PDZD2: variants seen among roughly 807,000 people sequenced by gnomAD.
PDZD2 encodes the protein PDZ domain containing 2.
A neutral mutation model predicts 220.7 loss-of-function variants in PDZD2; 90 were observed. That is an observed-to-expected ratio of 0.41 (90% CI 0.34 to 0.49). The LOEUF (loss-of-function observed/expected upper bound fraction) is 0.49, where lower values mean the gene tolerates loss of function less well. PDZD2 is among the 20% of genes least tolerant of loss of function. PDZD2 has a pLI of 0.28. For synonymous variants in PDZD2, 1,375 were observed against 1,450.5 expected (o/e 0.95, Z 1.18); for missense variants, 3,174 against 3,608.5 (o/e 0.88, Z 3.08).
chr5:31,786,593 T>C (rs1753392410), intron 1 of PDZD2, among the ~76,000 whole-genome samples: 1 of 152,132 alleles, frequency 6.6e-6, no homozygotes, highest in Non-Finnish European at 1.5e-5. Context: ...AGTTCAAAAC[T>C]TCCATGGTTG....
intron 17 of PDZD2, among the ~76,000 whole-genome samples, chr5:32,073,522 T>G (rs1740955065): frequency 6.6e-6 from 1 of 151,382 alleles, no homozygotes; most frequent in African/African-American, 2.4e-5. Context: ...ATGTGTTAGA[T>G]AATCATGGAG....
intron 2 of PDZD2, among the ~76,000 whole-genome samples, chr5:31,935,417 A>G (rs937477165): frequency 2.0e-5 from 3 of 152,152 alleles, no homozygotes; most frequent in African/African-American, 2.4e-5. Context: ...AAAACCTTAG[A>G]AAAATCATAT....
At chr5:31,934,811 C>G (rs1048173883) in intron 2 of PDZD2, among the ~76,000 whole-genome samples, 1 of 151,944 alleles carries the variant, frequency 6.6e-6, no homozygotes, top group Non-Finnish European at 1.5e-5. Context: ...ATCTGGCCAG[C>G]AGTGGTGGCT....
Position 31,672,171 on chromosome 5 carries a change from A to G in PDZD2, c.-361+32734A>G, listed in dbSNP as rs115042830. On this transcript the variant is annotated intron_variant, in intron 1 of 24. Coordinates refer to ENST00000438447, the MANE Select transcript of PDZD2 (RefSeq NM_178140.4). ...ACTCCACCTCGAGAACGACTGTCCT[A>G]GATGTTCTGGAATACTGCTTCTCAG... is the stretch of plus-strand genomic sequence containing the variant. 4.2e-3 allele frequency among the ~76,000 whole-genome samples: 633 copies of G among 152,272 alleles called. 4 individuals carry two copies. The highest frequency in any genetic ancestry group is 0.014 in the African/African-American group (599 of 41,556).
In PDZD2 at chr5:31,733,236, A is replaced by G. The variant is rs893472978; in HGVS notation, c.-360-65653A>G. On this transcript the variant is annotated intron_variant, in intron 1 of 24. Transcript: ENST00000438447. Reference sequence around the variant, plus strand: ...CAGGGGCTGCCCTGGGGTGCTGGTGATGTTCCAATTCTTGATGGGAACAAC... The same window carrying G: ...CAGGGGCTGCCCTGGGGTGCTGGTGGTGTTCCAATTCTTGATGGGAACAAC... Among the ~76,000 whole-genome samples the G allele has an allele frequency of 1.5e-4, 23 of 152,154 alleles. 1 individual carries two copies. The highest frequency in any genetic ancestry group is 1.2e-3 in the Admixed American group (19 of 15,286).
Position 32,087,723 on chromosome 5 carries a change from G to A in PDZD2, c.4275G>A (p.Thr1425=), listed in dbSNP as rs145909412. 1,178 of 1,614,018 alleles carry A rather than the reference G, an allele frequency of 7.3e-4. 3 individuals carry two copies. Among genetic ancestry groups the A allele is most frequent in the Admixed American group, 8.2e-4 (49 of 60,014 alleles). ...CPGGSRESPV[T]DIDSFIKELD... is the part of the protein sequence containing the mutation. ...GGGGGAGTAGAGAGAGCCCTGTGACGGACATTGACAGCTTCATCAAGGAGC... is the reference window on the plus strand; with the variant it reads ...GGGGGAGTAGAGAGAGCCCTGTGACAGACATTGACAGCTTCATCAAGGAGC... The change falls in exon 20 of 25, where the codon ACG becomes ACA. Residue 1425 remains threonine (T), a synonymous_variant. Coordinates refer to ENST00000438447, the MANE Select transcript of PDZD2 (RefSeq NM_178140.4). The surrounding 1 kb of genome is among the most constrained non-coding windows in gnomAD (Gnocchi z 4.0).
chr5:31,662,796 ATT>A (rs959428846), intron 1 of PDZD2, among the ~76,000 whole-genome samples: 4 of 152,070 alleles, frequency 2.6e-5, no homozygotes, highest in East Asian at 1.9e-4. Context: ...CGCCCAGCTA[ATT>A]TTTTTGCATT....
chr5:31,653,060 A>G (rs1356742527), intron 1 of PDZD2, among the ~76,000 whole-genome samples: 1 of 151,952 alleles, frequency 6.6e-6, no homozygotes, highest in Non-Finnish European at 1.5e-5. Flanking sequence ...AGCCTCCTGA[A>G]CCTCACTTTT....
intron 1 of PDZD2, among the ~76,000 whole-genome samples, chr5:31,734,017 G>A (rs1004033479): frequency 6.6e-6 from 1 of 152,128 alleles, no homozygotes; most frequent in Admixed American, 6.5e-5. Context: ...CCAGGTTTTC[G>A]CCAGTACTTC....
At chr5:32,017,400 A>G (rs1753862185) in intron 6 of PDZD2, among the ~76,000 whole-genome samples, 1 of 151,844 alleles carries the variant, frequency 6.6e-6, no homozygotes, top group East Asian at 1.9e-4. Context: ...GATGGGTGCC[A>G]CTGCACTCCA....
chr5:31,813,673 A>C (rs1755265074), intron 2 of PDZD2, among the ~76,000 whole-genome samples: 1 of 152,224 alleles, frequency 6.6e-6, no homozygotes, highest in Non-Finnish European at 1.5e-5. Flanking sequence ...TGGTCAAAAT[A>C]GCTAAAATAA....
chr5:31,796,397 G>A (rs185755300), intron 1 of PDZD2, among the ~76,000 whole-genome samples: 5 of 152,266 alleles, frequency 3.3e-5, no homozygotes, highest in African/African-American at 1.2e-4. Flanking sequence ...GCTTCTGCCC[G>A]CCACCGATCA....
intron 21 of PDZD2, among the ~76,000 whole-genome samples, chr5:32,096,637 CAGTT>C (rs1356787538): frequency 6.6e-6 from 1 of 151,812 alleles, no homozygotes; most frequent in African/African-American, 2.4e-5. Flanking sequence ...TTTTTGGCAT[CAGTT>C]AATTAATTGT....
intron 2 of PDZD2, among the ~76,000 whole-genome samples, chr5:31,886,618 G>A (rs1369951995): frequency 1.1e-5 from 1 of 92,244 alleles, no homozygotes; most frequent in East Asian, 2.9e-4. Flanking sequence ...TGGAATTGAG[G>A]TCTTATTGGA....
At chr5:31,802,295 C>G (rs1452522763) in intron 2 of PDZD2, among the ~76,000 whole-genome samples, 1 of 152,144 alleles carries the variant, frequency 6.6e-6, no homozygotes, top group African/African-American at 2.4e-5. Context: ...TTTTATCTAT[C>G]TGAGCTAGTG....
chr5:31,922,763 C>T (rs547767128), intron 2 of PDZD2, among the ~76,000 whole-genome samples: 1 of 152,090 alleles, frequency 6.6e-6, no homozygotes, highest in Admixed American at 6.6e-5. Flanking sequence ...CTGCCCCGCC[C>T]CCCCCTCCGG....
chr5:31,952,367 G>A (rs1418700313), intron 2 of PDZD2, among the ~76,000 whole-genome samples: 2 of 152,188 alleles, frequency 1.3e-5, no homozygotes, highest in Non-Finnish European at 2.9e-5. Flanking sequence ...TCTGGTAAAA[G>A]TAACATTAGA....
At chr5:31,802,709 A>C (rs972326313) in intron 2 of PDZD2, among the ~76,000 whole-genome samples, 2 of 152,062 alleles carry the variant, frequency 1.3e-5, no homozygotes, top group Non-Finnish European at 2.9e-5. Flanking sequence ...TCACAAGGTC[A>C]GGAGATCGGG....
chr5:31,875,362 T>A (rs1207910702), intron 2 of PDZD2, among the ~76,000 whole-genome samples: 5 of 152,060 alleles, frequency 3.3e-5, no homozygotes, highest in African/African-American at 4.8e-5. Flanking sequence ...GGCAGACCGA[T>A]CACTTGAGGC....
Sources: gnomAD v4.1 joint callset for allele counts (sites outside exome capture counted in the v4.1 genomes callset) on GRCh38, gnomAD v4.1.1 for gene constraint, Gnocchi (gnomAD v3.1) non-coding constraint, MANE v1.5 for transcripts, NCBI Gene and HGNC (gene_info 2026-07-23, HGNC 2026-07-21) for gene names.